PPIF: variants seen among roughly 807,000 people sequenced by gnomAD.
PPIF encodes peptidyl-prolyl cis-trans isomerase F, mitochondrial.
Under a neutral mutation model 20.2 loss-of-function variants are expected in PPIF, and 23 were observed. The observed-to-expected ratio is 1.14, with a 90% CI of 0.82 to 1.61. The LOEUF is 1.61. Among genes scored for constraint, PPIF ranks in the 40% most tolerant of loss-of-function variants. The probability of loss-of-function intolerance (pLI) is 0.00; values close to 1 mark genes in which losing one functional copy is unlikely to be tolerated. For missense variants in PPIF, 287 were observed against 291.6 expected, an observed-to-expected ratio of 0.98 and a Z score of 0.11; for synonymous variants, 113 against 123.1, an observed-to-expected ratio of 0.92 and a Z score of 0.54.
rs1360450276 is a variant in PPIF, at chr10:79,354,954, G to C, written c.*1112G>C. 6.6e-6 allele frequency: 1 copy of C among 152,424 alleles called. No individual in the cohort carries two copies. The highest frequency in any genetic ancestry group is 2.4e-5 in the African/African-American group (1 of 41,424). The allele number at this position is 152,424 out of a possible 1,614,324, so 9.4% of individuals were successfully genotyped here. A position where few individuals can be genotyped will look rare whatever the true frequency, so the allele number is the denominator to read the frequency against. ...CAGCTCCTCCCCTTAGTGACCCCAA[G>C]TCTGTTTCCCTCAGCTGCATAAGGA... On this transcript the variant is annotated 3_prime_UTR_variant, in exon 6 of 6. Transcript: ENST00000225174.
At chr10:79,349,882 C>T in intron 3 of PPIF, 129 bp downstream of exon 3, 1 of 1,504,434 alleles carries the variant, frequency 6.6e-7, no homozygotes, top group South Asian at 1.3e-5. Context: ...AGGCTGCCCT[C>T]CCTGCATTAG....
At chr10:79,349,839 C>A in intron 3 of PPIF, 86 bp downstream of exon 3, 2 of 1,583,990 alleles carry the variant, frequency 1.3e-6, no homozygotes, top group Non-Finnish European at 1.7e-6. Context: ...GAGGAAGGTG[C>A]TGAGCAGAGC....
Position 79,353,583 on chromosome 10 carries a change from C to G in PPIF, c.489-124C>G, listed in dbSNP as rs1856008487. 4 of 1,543,786 alleles carry G rather than the reference C, an allele frequency of 2.6e-6. No individual in the cohort carries two copies. The South Asian group carries it at 4.8e-5, about 19-fold the overall frequency. ...GCTTGATCGAGCTTTGGGGGTAGAT[C>G]TAGCTATTCCATGGGGATTCTTTTC... On this transcript the variant is annotated intron_variant, in intron 5 of 5. Transcript: ENST00000225174.
In PPIF at chr10:79,351,542, G is replaced by A. The variant is rs948942001; in HGVS notation, c.371G>A (p.Arg124His). 20 of 1,614,004 alleles carry A rather than the reference G, an allele frequency of 1.2e-5. No individual in the cohort carries two copies. The highest frequency in any genetic ancestry group is 1.5e-5 in the Non-Finnish European group (18 of 1,179,984). ...GGCGGGAAGTCCATCTACGGAAGCC[G>A]CTTTCCTGACGAGAACTTTACACTG... The part of the protein sequence containing the change: ...GTGGKSIYGS[R>H]FPDENFTLKH... Residue 124 changes from arginine to histidine, a missense_variant, in exon 4 of 6, where the codon CGC becomes CAC. Arg to His is a conservative substitution (Grantham distance 29). Transcript: ENST00000225174.
chr10:79,351,294 T>C (rs1236197758), intron 3 of PPIF, among the ~76,000 whole-genome samples, 193 bp from the exon 4 acceptor site: 1 of 152,142 alleles, frequency 6.6e-6, no homozygotes, highest in African/African-American at 2.4e-5. Flanking sequence ...ACAAAAGATA[T>C]TTAAGTTTTG....
In PPIF at chr10:79,347,786, C is replaced by T. The variant is rs754862352; in HGVS notation, c.195+43C>T. ...GCCGGCCTGGGCGCGGGACACGGGC[C>T]CGGGGAGAGCCCTGGGCCCCGGGCG... On this transcript the variant is annotated intron_variant, in intron 1 of 5. Transcript: ENST00000225174. 11 of 1,267,296 alleles carry T rather than the reference C, an allele frequency of 8.7e-6. No individual in the cohort carries two copies. In the African/African-American group the frequency reaches 1.1e-4, roughly 13 times the overall value. 78.5% of individuals were successfully genotyped at this position (1,267,296 alleles called of 1,614,324 possible). A position where few individuals can be genotyped will look rare whatever the true frequency, so the allele number is the denominator to read the frequency against.
Position 79,347,601 on chromosome 10 carries a change from G to C in PPIF, c.53G>C (p.Arg18Pro), listed in dbSNP as rs763845021. ...TGGCTCGGCCTGCTCTCCGTCCCGC[G>C]CTCCGTGCCGCTGCGCCTCCCCGCG... Reference protein sequence around the residue: ...SRWLGLLSVPRSVPLRLPAAR... With the variant: ...SRWLGLLSVPPSVPLRLPAAR... Residue 18 changes from arginine to proline, a missense_variant, in exon 1 of 6, where the codon CGC (arginine) becomes CCC (proline). By Grantham distance (103) the Arg-to-Pro change is moderately radical. Coordinates refer to ENST00000225174, the MANE Select transcript of PPIF (RefSeq NM_005729.4). 2.0e-4 allele frequency: 281 copies of C among 1,428,814 alleles called. No individual in the cohort carries two copies. Among genetic ancestry groups the C allele is most frequent in the Middle Eastern group, 1.4e-3 (6 of 4,190 alleles). The allele number at this position is 1,428,814 out of a possible 1,614,324, so 88.5% of individuals were successfully genotyped here.
Position 79,352,459 on chromosome 10 carries a change from CT to C in PPIF, c.488+71del, listed in dbSNP as rs544799902. ...TTGCAGCTGGAGGAGGATTCGTGCACTTTTAGGGGCAGGCAGTTTACAGCCA... is the reference window on the plus strand; with the variant it reads ...TTGCAGCTGGAGGAGGATTCGTGCACTTTAGGGGCAGGCAGTTTACAGCCA... On this transcript the variant is annotated intron_variant, in intron 5 of 5. Coordinates refer to ENST00000225174, the MANE Select transcript of PPIF (RefSeq NM_005729.4). 1.2e-3 allele frequency: 1,794 copies of C among 1,518,212 alleles called. 11 individuals are homozygous for C. The highest frequency in any genetic ancestry group is 9.2e-3 in the South Asian group (817 of 88,954). The allele number at this position is 1,518,212 out of a possible 1,614,324, so 94.0% of individuals were successfully genotyped here.
rs1856015281 is a variant in PPIF, at chr10:79,353,894, G to C, written c.*52G>C. On this transcript the variant is annotated 3_prime_UTR_variant, in exon 6 of 6. Transcript: ENST00000225174. ...GCAGCTGCAAATGTCCATGCACCCA[G>C]GTGGCCGCGTTGGGCTGTCAGCCAA... 1 of 1,590,924 alleles carries C rather than the reference G, an allele frequency of 6.3e-7. No individual in the cohort carries two copies. Among genetic ancestry groups the C allele is most frequent in the Admixed American group, 1.7e-5 (1 of 58,874 alleles).
At chr10:79,353,345 G>A (rs778021411) in intron 5 of PPIF, among the ~76,000 whole-genome samples, 3 of 152,216 alleles carry the variant, frequency 2.0e-5, no homozygotes, top group Non-Finnish European at 4.4e-5. Flanking sequence ...ATTCATGACC[G>A]TTAACGTGGT....
In PPIF at chr10:79,352,358, T is replaced by G. The variant is rs762017805; in HGVS notation, c.454T>G (p.Ser152Ala). 2 of 1,613,936 alleles carry G rather than the reference T, an allele frequency of 1.2e-6. No individual in the cohort carries two copies. Among genetic ancestry groups the G allele is most frequent in the Non-Finnish European group, 1.7e-6 (2 of 1,179,994 alleles). ...MANAGPNTNG[S>A]QFFICTIKTD... is the part of the protein sequence containing the mutation. ...TAATGCTGGTCCTAACACCAACGGC[T>G]CCCAGTTCTTCATCTGCACCATAAA... Residue 152 changes from serine (S) to alanine (A), a missense_variant, in exon 5 of 6, where the codon TCC becomes GCC. Transcript: ENST00000225174.
chr10:79,348,346 C>T (rs1440179204), intron 1 of PPIF, among the ~76,000 whole-genome samples: 3 of 152,210 alleles, frequency 2.0e-5, no homozygotes, highest in Non-Finnish European at 4.4e-5. Flanking sequence ...GGCGCCTCAA[C>T]CCCTGCCACT....
Position 79,347,763 on chromosome 10 carries a change from C to G in PPIF, c.195+20C>G, listed in dbSNP as rs374712665. ...CTGGAGGTGAGACCGCTCGCAGGGC[C>G]GGCCTGGGCGCGGGACACGGGCCCG... On this transcript the variant is annotated intron_variant, in intron 1 of 5. Transcript: ENST00000225174. 1.5e-6 allele frequency: 2 copies of G among 1,298,576 alleles called. No homozygotes were observed. Among genetic ancestry groups the G allele is most frequent in the South Asian group, 4.9e-5 (2 of 40,552 alleles). 80.4% of individuals were successfully genotyped at this position (1,298,576 alleles called of 1,614,324 possible).
chr10:79,347,613 T>TGCGCCTCCCCGCGGCCC lies in PPIF; in HGVS notation c.72_88dup (p.Cys30SerfsTer43). 1 of 1,440,364 alleles carries TGCGCCTCCCCGCGGCCC rather than the reference T, an allele frequency of 6.9e-7. No individual in the cohort carries two copies. Among genetic ancestry groups the TGCGCCTCCCCGCGGCCC allele is most frequent in the Non-Finnish European group, 9.1e-7 (1 of 1,093,252 alleles). The allele number at this position is 1,440,364 out of a possible 1,614,324, so 89.2% of individuals were successfully genotyped here. ...CTCTCCGTCCCGCGCTCCGTGCCGC[T>TGCGCCTCCCCGCGGCCC]GCGCCTCCCCGCGGCCCGCGCCTGC... On this transcript the variant is annotated frameshift_variant, in exon 1 of 6. Coordinates refer to ENST00000225174, the MANE Select transcript of PPIF (RefSeq NM_005729.4). LOFTEE classifies it high-confidence loss of function.
At position 79,347,751 on chromosome 10, in the gene PPIF, C is replaced by G; in HGVS notation, c.195+8C>G. On this transcript the variant is annotated splice_region_variant and intron_variant, in intron 1 of 5. Coordinates refer to ENST00000225174, the MANE Select transcript of PPIF (RefSeq NM_005729.4). ...GGCCGCGTGGTGCTGGAGGTGAGAC[C>G]GCTCGCAGGGCCGGCCTGGGCGCGG... 3 of 1,331,312 alleles carry G rather than the reference C, an allele frequency of 2.3e-6. No individual in the cohort carries two copies. Among genetic ancestry groups the G allele is most frequent in the Non-Finnish European group, 2.9e-6 (3 of 1,032,738 alleles). 82.5% of individuals were successfully genotyped at this position (1,331,312 alleles called of 1,614,324 possible).
chr10:79,347,611 G>T lies in PPIF; in HGVS notation c.63G>T (p.Pro21=). The change falls in exon 1 of 6, where the codon CCG becomes CCT. Residue 21 remains proline (P), a synonymous_variant. Transcript: ENST00000225174. ...LGLLSVPRSV[P]LRLPAARACS... is the part of the protein sequence containing the mutation. ...TGCTCTCCGTCCCGCGCTCCGTGCC[G>T]CTGCGCCTCCCCGCGGCCCGCGCCT... The T allele has an allele frequency of 7.0e-7, 1 of 1,438,544 alleles. No individual in the cohort carries two copies. Among genetic ancestry groups the T allele is most frequent in the Admixed American group, 2.6e-5 (1 of 38,294 alleles). The allele number at this position is 1,438,544 out of a possible 1,614,324, so 89.1% of individuals were successfully genotyped here. A position where few individuals can be genotyped will look rare whatever the true frequency, so the allele number is the denominator to read the frequency against.
At chr10:79,348,174 G>A (rs1291194145) in intron 1 of PPIF, among the ~76,000 whole-genome samples, 2 of 152,136 alleles carry the variant, frequency 1.3e-5, no homozygotes, top group Non-Finnish European at 2.9e-5. Flanking sequence ...CCTGGCTCCG[G>A]CCCCGCCCCT....
At chr10:79,349,852 C>G (rs1185777773) in intron 3 of PPIF, 99 bp downstream of exon 3, 2 of 1,559,212 alleles carry the variant, frequency 1.3e-6, no homozygotes, top group African/African-American at 2.7e-5. Context: ...AGCAGAGCAG[C>G]TGCAGTTGCT....
rs138808611 is a variant in PPIF at position 79,353,217 on chromosome 10, G to A, written c.489-490G>A. Among the ~76,000 whole-genome samples the A allele has an allele frequency of 3.5e-3, 539 of 152,316 alleles. 2 individuals carry two copies. The highest frequency in any genetic ancestry group is 0.012 in the African/African-American group (514 of 41,546). Reference sequence around the variant, plus strand: ...CAGTTCTGCTCTTGGCTGGAACCACGCCAGCTTCGCTGGAGCTGGACTGAG... The same window carrying A: ...CAGTTCTGCTCTTGGCTGGAACCACACCAGCTTCGCTGGAGCTGGACTGAG... On this transcript the variant is annotated intron_variant, in intron 5 of 5. Coordinates refer to ENST00000225174, the MANE Select transcript of PPIF (RefSeq NM_005729.4).
Sources: gnomAD v4.1 joint callset for allele counts (sites outside exome capture counted in the v4.1 genomes callset) on GRCh38, gnomAD v4.1.1 for gene constraint, MANE v1.5 for transcripts, NCBI Gene and HGNC (gene_info 2026-07-23, HGNC 2026-07-21) for gene names.